Variants in ROBO3 observed in about 807,000 individuals in gnomAD.
ROBO3 encodes the protein roundabout homolog 3.
Under a neutral mutation model 160.5 loss-of-function variants are expected in ROBO3, and 97 were observed. That is an observed-to-expected ratio of 0.60 (90% confidence interval 0.51 to 0.72). ROBO3 has a LOEUF of 0.72. ROBO3 is among the 30% of genes least tolerant of loss of function. The pLI is 0.00. For synonymous variants in ROBO3, 780 were observed against 746.2 expected (o/e 1.05, Z -0.74); for missense variants, 1,858 against 1,846.5 (o/e 1.01, Z -0.11).
At position 124,869,531 on chromosome 11, in the gene ROBO3, C is replaced by G. The variant is rs1039411183; in HGVS notation, c.569C>G (p.Pro190Arg). 1.3e-6 allele frequency: 2 copies of G among 1,562,180 alleles called. No homozygotes were observed. The highest frequency in any genetic ancestry group is 1.4e-5 in the African/African-American group (1 of 73,484). Residue 190 changes from proline to arginine, a missense_variant, in exon 3 of 28, where the codon CCC (proline) becomes CGC (arginine). Transcript: ENST00000397801. This position sits in a 1 kb window ranked among gnomAD's most constrained non-coding sequence, Gnocchi z 4.2. ...CCAGCAGTACTGGAATGCGTGCCCC[C>G]CCGCGGCCACCCGGAGCCTTCCGTG... ...GEPAVLECVP[P>R]RGHPEPSVSW...
chr11:124,869,932 C>T lies in ROBO3; in HGVS notation c.646-16C>T. 1 of 1,583,138 alleles carries T rather than the reference C, an allele frequency of 6.3e-7. No homozygotes were observed. The highest frequency in any genetic ancestry group is 8.6e-7 in the Non-Finnish European group (1 of 1,164,634). On this transcript the variant is annotated splice_polypyrimidine_tract_variant and intron_variant, in intron 3 of 27. Transcript: ENST00000397801. This position sits in a 1 kb window ranked among gnomAD's most constrained non-coding sequence, Gnocchi z 4.2. ...GATAGCTGAAATGGACCAAAGTTAC[C>T]ATTATTGCTCTGCAGATCCGTGGAG...
intron 6 of ROBO3, 28 bp downstream of exon 6, chr11:124,870,756 A>T: frequency 6.2e-7 from 1 of 1,605,356 alleles, no homozygotes; most frequent in Non-Finnish European, 8.5e-7. Context: ...GACTGCCTGC[A>T]GCAGGAATGG....
chr11:124,866,923 C>G (rs751283877), intron 1 of ROBO3, among the ~76,000 whole-genome samples: 23 of 152,176 alleles, frequency 1.5e-4, no homozygotes, highest in Admixed American at 5.9e-4. Context: ...GATCCCTTCT[C>G]GCTGGCACCC....
At chr11:124,870,508 T>A in intron 5 of ROBO3, 93 bp from the exon 6 acceptor site, 1 of 1,579,280 alleles carries the variant, frequency 6.3e-7, no homozygotes. Flanking sequence ...GTCCTGCCTG[T>A]CTTTAAGTAC....
intron 20 of ROBO3, 42 bp from the exon 21 acceptor site, chr11:124,877,895 T>C: frequency 7.2e-7 from 1 of 1,391,642 alleles, no homozygotes. Context: ...GTCCTCTATG[T>C]TTCTGTCTCT....
rs950390334 is a variant in ROBO3, at chr11:124,865,705, C to G, written c.128C>G (p.Thr43Ser). ...TCCTCGCTGGCGGCGCTCAACCACA[C>G]CCTGCTGCCTCCCGGCGATCCCTCT... Reference protein sequence around the residue: ...FNSSLAALNHTLLPPGDPSLN... With the variant: ...FNSSLAALNHSLLPPGDPSLN... The change falls in exon 1 of 28, where the codon ACC becomes AGC. Residue 43 changes from threonine to serine, a missense_variant. By Grantham distance (58) the Thr-to-Ser change is moderately conservative (BLOSUM62 1). Coordinates refer to ENST00000397801, the MANE Select transcript of ROBO3 (RefSeq NM_022370.4). This position sits in a 1 kb window ranked among gnomAD's most constrained non-coding sequence, Gnocchi z 5.5. The G allele has an allele frequency of 6.2e-7, 1 of 1,611,018 alleles. No homozygotes were observed. The highest frequency in any genetic ancestry group is 8.5e-7 in the Non-Finnish European group (1 of 1,179,022).
intron 24 of ROBO3, 25 bp from the exon 25 acceptor site, chr11:124,879,440 C>T: frequency 6.2e-7 from 1 of 1,611,684 alleles, no homozygotes; most frequent in Non-Finnish European, 8.5e-7. Flanking sequence ...TTACCCATTC[C>T]TCTTCCCGTC....
rs1946266289 is a variant in ROBO3, at chr11:124,870,450, C to G, written c.905+147C>G. On this transcript the variant is annotated intron_variant, in intron 5 of 27. Transcript: ENST00000397801. ...CTGTGGCCCCAGTCCTATCCAGTCCCCACCTCCATTGATGGGTCCATGGGT... is the reference window on the plus strand; with the variant it reads ...CTGTGGCCCCAGTCCTATCCAGTCCGCACCTCCATTGATGGGTCCATGGGT... 1.3e-5 allele frequency: 19 copies of G among 1,462,320 alleles called. No homozygotes were observed. In the South Asian group the frequency reaches 2.1e-4, roughly 16 times the overall value. The allele number at this position is 1,462,320 out of a possible 1,614,324, so 90.6% of individuals were successfully genotyped here.
In ROBO3 at chr11:124,876,746, C is replaced by G. The variant is rs1296772465; in HGVS notation, c.2779+286C>G. 2.1e-6 allele frequency: 1 copy of G among 474,602 alleles called. No homozygotes were observed. The highest frequency in any genetic ancestry group is 3.7e-6 in the Non-Finnish European group (1 of 272,090). The allele number at this position is 474,602 out of a possible 1,614,324, so 29.4% of individuals were successfully genotyped here. A position where few individuals can be genotyped will look rare whatever the true frequency, so the allele number is the denominator to read the frequency against. Reference sequence around the variant, plus strand: ...CATCTCCATAAAGAAGGGGCAAGTTCGAGGACGGAAAGCCCACTCAAAGGG... The same window carrying G: ...CATCTCCATAAAGAAGGGGCAAGTTGGAGGACGGAAAGCCCACTCAAAGGG... On this transcript the variant is annotated intron_variant, in intron 17 of 27. Transcript: ENST00000397801. The surrounding 1 kb of genome is among the most constrained non-coding windows in gnomAD (Gnocchi z 5.3).
At position 124,870,606 on chromosome 11, in the gene ROBO3, A is replaced by C; in HGVS notation, c.911A>C (p.Glu304Ala). 2 of 1,613,770 alleles carry C rather than the reference A, an allele frequency of 1.2e-6. No individual in the cohort carries two copies. The highest frequency in any genetic ancestry group is 4.5e-5 in the East Asian group (2 of 44,878). Residue 304 changes from glutamate to alanine, a missense_variant, in exon 6 of 28, where the codon GAG (glutamate) becomes GCG (alanine). Transcript: ENST00000397801. ...TGGGGTGGGGAGTGGAGCAGGTATGAGATCCGGAGTGACCACAGCCTTTGG... is the reference window on the plus strand; with the variant it reads ...TGGGGTGGGGAGTGGAGCAGGTATGCGATCCGGAGTGACCACAGCCTTTGG... Reference protein sequence around the residue: ...EDGELPTGRYEIRSDHSLWIG... With the variant: ...EDGELPTGRYAIRSDHSLWIG...
At position 124,878,857 on chromosome 11, in the gene ROBO3, TG is replaced by T; in HGVS notation, c.3533+62del. 8 of 1,370,360 alleles carry T rather than the reference TG, an allele frequency of 5.8e-6. No individual in the cohort carries two copies. The highest frequency in any genetic ancestry group is 8.2e-6 in the Non-Finnish European group (8 of 981,218). 84.9% of individuals were successfully genotyped at this position (1,370,360 alleles called of 1,614,324 possible). A position where few individuals can be genotyped will look rare whatever the true frequency, so the allele number is the denominator to read the frequency against. On this transcript the variant is annotated intron_variant, in intron 23 of 27. Transcript: ENST00000397801. This position sits in a 1 kb window ranked among gnomAD's most constrained non-coding sequence, Gnocchi z 4.3. ...CCTCTATACGTATCTACTCAGTAGA[TG>T]ACTGGGTGGGTGGATGGATGGATGG...
At chr11:124,871,612 T>C (rs1424138450) in intron 7 of ROBO3, among the ~76,000 whole-genome samples, 1 of 152,186 alleles carries the variant, frequency 6.6e-6, no homozygotes, top group Non-Finnish European at 1.5e-5. Flanking sequence ...CTTTTGAACC[T>C]TGCAAACAAA....
At position 124,873,325 on chromosome 11, in the gene ROBO3, T is replaced by A; in HGVS notation, c.1552T>A (p.Phe518Ile). 1 of 1,610,918 alleles carries A rather than the reference T, an allele frequency of 6.2e-7. No individual in the cohort carries two copies. Among genetic ancestry groups the A allele is most frequent in the African/African-American group, 1.3e-5 (1 of 75,004 alleles). Residue 518 changes from phenylalanine to isoleucine, a missense_variant, in exon 10 of 28, where the codon TTC becomes ATC. By Grantham distance (21) the Phe-to-Ile change is conservative. Transcript: ENST00000397801. This position sits in a 1 kb window ranked among gnomAD's most constrained non-coding sequence, Gnocchi z 4.5. Reference sequence around the variant, plus strand: ...TCTCTTCCAGGAGATGGACATGGGCTTCTACAGCTGCGTGGCCAAGAGTTC... The same window carrying A: ...TCTCTTCCAGGAGATGGACATGGGCATCTACAGCTGCGTGGCCAAGAGTTC... ...IANVQEMDMGFYSCVAKSSTG... is the reference protein window; with the variant it reads ...IANVQEMDMGIYSCVAKSSTG...
chr11:124,866,390 T>A (rs1946196509), intron 1 of ROBO3, among the ~76,000 whole-genome samples: 1 of 152,114 alleles, frequency 6.6e-6, no homozygotes, highest in South Asian at 2.1e-4. Flanking sequence ...CAGCGCGCTC[T>A]CCCCTAGCGC....
chr11:124,867,054 G>T (rs1946207113), intron 1 of ROBO3, among the ~76,000 whole-genome samples: 1 of 152,104 alleles, frequency 6.6e-6, no homozygotes, highest in Non-Finnish European at 1.5e-5. Flanking sequence ...ACATTTTGCC[G>T]CCGAGAAAAC....
At chr11:124,875,759 A>G in intron 15 of ROBO3, 74 bp downstream of exon 15, 2 of 1,527,830 alleles carry the variant, frequency 1.3e-6, no homozygotes, top group East Asian at 2.3e-5. Flanking sequence ...GGCTAGAATT[A>G]GGGTGGAGGA....
rs189925759 is a variant in ROBO3, at chr11:124,875,848, T to A, written c.2422-106T>A. The A allele has an allele frequency of 2.2e-4, 324 of 1,460,526 alleles. 1 individual carries two copies. In the East Asian group the frequency reaches 2.4e-3, roughly 11 times the overall value. 90.5% of individuals were successfully genotyped at this position (1,460,526 alleles called of 1,614,324 possible). A position where few individuals can be genotyped will look rare whatever the true frequency, so the allele number is the denominator to read the frequency against. On this transcript the variant is annotated intron_variant, in intron 15 of 27. Coordinates refer to ENST00000397801, the MANE Select transcript of ROBO3 (RefSeq NM_022370.4). Reference sequence around the variant, plus strand: ...GAGGTTTCCAAGTGTTGTTTCCAGGTTGAATTACATCTGTATAAGGCTTCT... The same window carrying A: ...GAGGTTTCCAAGTGTTGTTTCCAGGATGAATTACATCTGTATAAGGCTTCT...
Position 124,868,929 on chromosome 11 carries a change from G to A in ROBO3, c.288G>A (p.Glu96=), listed in dbSNP as rs1026676657. The A allele has an allele frequency of 1.2e-6, 2 of 1,607,914 alleles. No individual in the cohort carries two copies. The highest frequency in any genetic ancestry group is 1.3e-5 in the African/African-American group (1 of 75,006). ...RAEGRPRPNI[E]WYKNGARVAT... is the part of the protein sequence containing the mutation. ...AAGGCCGACCCCGACCCAACATTGA[G>A]TGGTACAAGAACGGGGCGCGTGTGG... Residue 96 remains glutamate (E), a synonymous_variant, in exon 2 of 28, where the codon GAG becomes GAA. Transcript: ENST00000397801.
chr11:124,868,410 G>A (rs1946231194), intron 1 of ROBO3: 2 of 526,074 alleles, frequency 3.8e-6, no homozygotes, highest in South Asian at 2.3e-5. Context: ...AGGACGATCC[G>A]TGAACCAGTG....
Sources: gnomAD v4.1 joint callset for allele counts (sites outside exome capture counted in the v4.1 genomes callset) on GRCh38, gnomAD v4.1.1 for gene constraint, Gnocchi (gnomAD v3.1) non-coding constraint, MANE v1.5 for transcripts, NCBI Gene and HGNC (gene_info 2026-07-23, HGNC 2026-07-21) for gene names.